CGGBP1: variants seen among roughly 807,000 people sequenced by gnomAD.
The protein encoded by CGGBP1 is CGG triplet repeat binding protein 1.
In CGGBP1, 4 loss-of-function variants were observed where a neutral mutation model predicts 11.4. The observed-to-expected ratio is 0.35, with a 90% CI of 0.17 to 0.80. CGGBP1 has a LOEUF of 0.80. Ranked by LOEUF, CGGBP1 falls within the 30% of genes least tolerant of loss-of-function variation. The pLI, the probability that CGGBP1 is intolerant of heterozygous loss-of-function variation, is 0.52. For missense variants in CGGBP1, 135 were observed against 202.1 expected (o/e 0.67, Z 2.01); for synonymous variants, 76 against 74.1 (o/e 1.03, Z -0.13).
upstream of CGGBP1, among the ~76,000 whole-genome samples, chr3:88,063,533 C>A (rs1707008705): frequency 6.6e-6 from 1 of 152,094 alleles, no homozygotes; most frequent in South Asian, 2.1e-4. Context: ...ATAGGATTTA[C>A]ATAATACTTA....
intron 2 of CGGBP1, among the ~76,000 whole-genome samples, chr3:88,077,056 C>T (rs1559694194): frequency 6.6e-6 from 1 of 152,128 alleles, no homozygotes; most frequent in Admixed American, 6.5e-5. Context: ...CATCCTCTCA[C>T]TGGTATTTTT....
chr3:88,115,223 C>T (rs1052526160), intron 2 of CGGBP1, among the ~76,000 whole-genome samples: 4 of 152,112 alleles, frequency 2.6e-5, no homozygotes, highest in African/African-American at 9.7e-5. Flanking sequence ...GCTGCTAGTC[C>T]CTGAACCACA....
chr3:88,107,191 C>CT (rs1243807920), intron 2 of CGGBP1, among the ~76,000 whole-genome samples: 1 of 152,102 alleles, frequency 6.6e-6, no homozygotes, highest in Non-Finnish European at 1.5e-5. Flanking sequence ...ACTTTATATA[C>CT]TTTATCTTCC....
chr3:88,099,065 TGATTGTATATTTAG>T (rs1328009596), intron 2 of CGGBP1, among the ~76,000 whole-genome samples: 1 of 152,186 alleles, frequency 6.6e-6, no homozygotes, highest in African/African-American at 2.4e-5. Flanking sequence ...GCAGATGACA[TGATTGTATATTTAG>T]AAAACCCCAT....
chr3:88,094,342 G>A (rs1320581322), intron 2 of CGGBP1, among the ~76,000 whole-genome samples: 3 of 152,012 alleles, frequency 2.0e-5, no homozygotes, highest in African/African-American at 7.2e-5. Flanking sequence ...GGTCTTTATT[G>A]CTCCTTTTAT....
At chr3:88,113,228 CTA>C (rs1576304907) in intron 2 of CGGBP1, 1 of 1,385,996 alleles carries the variant, frequency 7.2e-7, no homozygotes, top group Non-Finnish European at 9.9e-7. Flanking sequence ...CACACTTTGT[CTA>C]CACTTAAAAT....
chr3:88,055,689 C>T lies in CGGBP1; in HGVS notation c.288G>A (p.Ala96=), dbSNP rs759438342. 59 of 1,614,070 alleles carry T rather than the reference C, an allele frequency of 3.7e-5. No individual in the cohort carries two copies. In the South Asian group the frequency reaches 3.7e-4, roughly 10 times the overall value. ...GGATAACACTGACTTTCTCTGTTTG[C>T]GCAGTACTGTTGCACTGAAGAGATG... is the stretch of plus-strand genomic sequence containing the variant. The part of the protein sequence containing the change: ...LTASLQCNST[A]QTEKVSVIQD... Residue 96 remains alanine, a synonymous_variant, in exon 4 of 4, where the codon GCG becomes GCA. Coordinates refer to ENST00000482016, the MANE Select transcript of CGGBP1 (RefSeq NM_001008390.2). The surrounding 1 kb of genome is among the most constrained non-coding windows in gnomAD (Gnocchi z 4.2).
chr3:88,062,521 G>C (rs1486965452), upstream of CGGBP1, among the ~76,000 whole-genome samples: 3 of 152,154 alleles, frequency 2.0e-5, no homozygotes, highest in African/African-American at 7.2e-5. Flanking sequence ...GACTGTTATT[G>C]TCTGACTTGT....
chr3:88,106,028 C>T (rs142385662), intron 2 of CGGBP1, among the ~76,000 whole-genome samples: 294 of 152,266 alleles, frequency 1.9e-3, no homozygotes, highest in African/African-American at 6.0e-3. Context: ...TGGCATTCAC[C>T]GTGCCATCTT....
intron 2 of CGGBP1, among the ~76,000 whole-genome samples, chr3:88,077,786 T>C (rs192489301): frequency 1.1e-3 from 174 of 152,344 alleles, no homozygotes; most frequent in Non-Finnish European, 1.8e-3. Flanking sequence ...ATGTCAAATA[T>C]CTTGGTTCAA....
chr3:88,069,802 G>A (rs1419812919), intron 2 of CGGBP1, among the ~76,000 whole-genome samples: 1 of 152,160 alleles, frequency 6.6e-6, no homozygotes, highest in Non-Finnish European at 1.5e-5. Flanking sequence ...CTGCAAACCA[G>A]TAGAAGTTAT....
intron 2 of CGGBP1, among the ~76,000 whole-genome samples, chr3:88,134,016 C>T (rs1173866468): frequency 1.3e-5 from 2 of 151,376 alleles, no homozygotes; most frequent in South Asian, 2.1e-4. Context: ...AATTGAAACA[C>T]CCAGGCATGA....
chr3:88,134,996 G>T, intron 2 of CGGBP1: 2 of 1,153,354 alleles, frequency 1.7e-6, no homozygotes, highest in East Asian at 3.0e-5. Context: ...ATCAGGGAAA[G>T]ATAGCTAATG....
intron 2 of CGGBP1, among the ~76,000 whole-genome samples, chr3:88,118,571 A>T (rs1705556527): frequency 6.6e-6 from 1 of 152,066 alleles, no homozygotes; most frequent in African/African-American, 2.4e-5. Flanking sequence ...AAACCTCAAA[A>T]CCTGGACCAT....
At chr3:88,116,312 G>A (rs1476313928) in intron 2 of CGGBP1, among the ~76,000 whole-genome samples, 2 of 152,100 alleles carry the variant, frequency 1.3e-5, no homozygotes, top group African/African-American at 2.4e-5. Context: ...CCTGAGGGTG[G>A]GAACTCGAGA....
intron 2 of CGGBP1, among the ~76,000 whole-genome samples, chr3:88,088,588 G>A (rs1225106076): frequency 2.6e-5 from 4 of 152,150 alleles, no homozygotes; most frequent in African/African-American, 9.7e-5. Context: ...AATCCAGAAT[G>A]TAAAACAAAA....
rs1455048235 is a variant in CGGBP1 at position 88,053,395 on chromosome 3, A to G, written c.*2078T>C. The G allele has an allele frequency of 1.3e-5, 2 of 152,168 alleles. No homozygotes were observed. The highest frequency in any genetic ancestry group is 2.9e-5 in the Non-Finnish European group (2 of 67,976). The allele number at this position is 152,168 out of a possible 1,614,324, so 9.4% of individuals were successfully genotyped here. A position where few individuals can be genotyped will look rare whatever the true frequency, so the allele number is the denominator to read the frequency against. On this transcript the variant is annotated 3_prime_UTR_variant, in exon 4 of 4. Coordinates refer to ENST00000482016, the MANE Select transcript of CGGBP1 (RefSeq NM_001008390.2). ...ATGGACTATGCCCCTAGTTACAGTG[A>G]ATGTGGGAATTAATTAGGAGTCTGA...
chr3:88,115,059 C>T (rs984969609), intron 2 of CGGBP1, among the ~76,000 whole-genome samples: 5 of 152,198 alleles, frequency 3.3e-5, no homozygotes, highest in African/African-American at 4.8e-5. Context: ...TGTTCTTTCT[C>T]GTCTCCCATA....
At chr3:88,076,417 A>G (rs1363596102) in intron 2 of CGGBP1, among the ~76,000 whole-genome samples, 2 of 151,698 alleles carry the variant, frequency 1.3e-5, no homozygotes, top group Admixed American at 1.3e-4. Flanking sequence ...TCTGATATAT[A>G]TCTCCTTTTT....
Sources: allele counts gnomAD v4.1 joint callset (sites outside exome capture counted in the v4.1 genomes callset), GRCh38; gene constraint gnomAD v4.1.1; non-coding constraint Gnocchi (gnomAD v3.1); transcripts MANE v1.5; gene names NCBI Gene and HGNC (gene_info 2026-07-23, HGNC 2026-07-21).